NOL10: variants seen among roughly 807,000 people sequenced by gnomAD.
NOL10 encodes nucleolar protein 10.
Under a neutral mutation model 103.5 loss-of-function variants are expected in NOL10, and 58 were observed. The observed-to-expected ratio is 0.56, with a 90% CI of 0.45 to 0.70. NOL10 has a LOEUF of 0.70. Among genes scored for constraint, NOL10 ranks in the 30% least tolerant of loss-of-function variants. The pLI, the probability that NOL10 is intolerant of heterozygous loss-of-function variation, is 0.00. For missense variants in NOL10, 763 were observed against 807.3 expected (o/e 0.95, Z 0.67); for synonymous variants, 287 against 282.5 (o/e 1.02, Z -0.16).
chr2:10,573,965 A>T (rs1035617823), intron 20 of NOL10, among the ~76,000 whole-genome samples: 1 of 152,014 alleles, frequency 6.6e-6, no homozygotes, highest in Non-Finnish European at 1.5e-5. Context: ...GGAAGGATTT[A>T]AAAAAAATAG....
chr2:10,666,736 G>A (rs1194976814), intron 8 of NOL10, among the ~76,000 whole-genome samples: 2 of 150,206 alleles, frequency 1.3e-5, no homozygotes, highest in African/African-American at 4.9e-5. Flanking sequence ...AACTACAGTA[G>A]AATACAATTT....
At chr2:10,591,155 T>C (rs1324477711) in intron 17 of NOL10, 2 of 152,194 alleles carry the variant, frequency 1.3e-5, no homozygotes, top group Non-Finnish European at 1.5e-5. Flanking sequence ...AGATATTAAA[T>C]GCAGCAAGTT....
Position 10,645,532 on chromosome 2 carries a change from CTT to C in NOL10, c.974-1162_974-1161del, listed in dbSNP as rs33945473. Among the ~76,000 whole-genome samples the C allele has an allele frequency of 4.0e-3, 524 of 131,666 alleles. 2 individuals carry two copies. Among genetic ancestry groups the C allele is most frequent in the African/African-American group, 8.8e-3 (308 of 35,068 alleles). The allele number at this position is 131,666 out of a possible 152,430, so 86.4% of individuals were successfully genotyped here. A position where few individuals can be genotyped will look rare whatever the true frequency, so the allele number is the denominator to read the frequency against. ...CACTCAAGCAGGAACTCAATACTAT[CTT>C]TTTTTTTTTTTTTTTTGAGACAAGA... On this transcript the variant is annotated intron_variant, in intron 12 of 20. Transcript: ENST00000381685.
chr2:10,604,973 C>T (rs918140069), intron 14 of NOL10: 1 of 152,178 alleles, frequency 6.6e-6, no homozygotes, highest in Non-Finnish European at 1.5e-5. Flanking sequence ...CTAGCATTTC[C>T]CAAACTTATT....
intron 13 of NOL10, among the ~76,000 whole-genome samples, chr2:10,639,209 T>C (rs1453264569): frequency 6.6e-6 from 1 of 151,998 alleles, no homozygotes; most frequent in South Asian, 2.1e-4. Flanking sequence ...GATCACAAGG[T>C]CAGGAGATCA....
chr2:10,587,614 C>T (rs1675183895), intron 19 of NOL10, among the ~76,000 whole-genome samples: 1 of 151,728 alleles, frequency 6.6e-6, no homozygotes, highest in African/African-American at 2.4e-5. Flanking sequence ...CACTCCTAGC[C>T]CTCGAGTTGT....
intron 13 of NOL10, among the ~76,000 whole-genome samples, chr2:10,630,402 T>G (rs930880304): frequency 6.6e-6 from 1 of 152,216 alleles, no homozygotes; most frequent in East Asian, 1.9e-4. Flanking sequence ...TGTCACCAAC[T>G]TGCCATTTGA....
At chr2:10,680,995 C>T (rs997380852) in intron 3 of NOL10, among the ~76,000 whole-genome samples, 1 of 152,156 alleles carries the variant, frequency 6.6e-6, no homozygotes, top group Non-Finnish European at 1.5e-5. Context: ...TCCTAAAACT[C>T]TCATTCATTG....
chr2:10,589,085 A>C lies in NOL10; in HGVS notation c.1802T>G (p.Phe601Cys). 1 of 1,613,858 alleles carries C rather than the reference A, an allele frequency of 6.2e-7. No homozygotes were observed. Among genetic ancestry groups the C allele is most frequent in the Non-Finnish European group, 8.5e-7 (1 of 1,179,856 alleles). ...QFYEIKAGEE[F>C]RSFKDSATKQ... ...TGTGGCAGAATCTTTGAAGCTTCTA[A>C]ATTCTTCTCCTGCTTTGATCTCATA... is the stretch of plus-strand genomic sequence containing the variant. Residue 601 changes from phenylalanine (F) to cysteine (C), a missense_variant, in exon 19 of 21, where the codon TTT becomes TGT. Physicochemically the swap from Phe to Cys is radical, Grantham distance 205. Transcript: ENST00000381685.
chr2:10,589,130 G>A lies in NOL10; in HGVS notation c.1757C>T (p.Thr586Ile). The stretch of plus-strand genomic sequence containing the variant: ...CTCATAAAACTGGGGCTTTAGGACT[G>A]TCTGCTGGTCCTCCTTGAGTCGTTC... ...RQERLKEDQQ[T>I]VLKPQFYEIK... Residue 586 changes from threonine to isoleucine, a missense_variant, in exon 19 of 21, where the codon ACA (threonine) becomes ATA (isoleucine). Coordinates refer to ENST00000381685, the MANE Select transcript of NOL10 (RefSeq NM_024894.4). 1 of 1,613,992 alleles carries A rather than the reference G, an allele frequency of 6.2e-7. No individual in the cohort carries two copies. Among genetic ancestry groups the A allele is most frequent in the Non-Finnish European group, 8.5e-7 (1 of 1,179,902 alleles).
At chr2:10,611,696 G>A (rs923163231) in intron 13 of NOL10, among the ~76,000 whole-genome samples, 13 of 152,050 alleles carry the variant, frequency 8.5e-5, no homozygotes, top group Admixed American at 3.3e-4. Context: ...TGGGCGGATC[G>A]CCTGAGGTCA....
chr2:10,625,757 A>G (rs1677419970), intron 13 of NOL10, among the ~76,000 whole-genome samples: 1 of 152,178 alleles, frequency 6.6e-6, no homozygotes, highest in Non-Finnish European at 1.5e-5. Context: ...AGCTGATGAC[A>G]TGGGAGCAAA....
rs182783214 is a variant in NOL10, at chr2:10,620,351, T to G, written c.1027-13040A>C. ...CAGAAAAAAAGGAAGAGCAAAACTT[T>G]AAAAAAATTATATGTACACTTTTAT... On this transcript the variant is annotated intron_variant, in intron 13 of 20. Transcript: ENST00000381685. Among the ~76,000 whole-genome samples the G allele has an allele frequency of 7.2e-5, 11 of 152,284 alleles. No individual in the cohort carries two copies. In the South Asian group the frequency reaches 1.2e-3, roughly 17 times the overall value.
chr2:10,587,364 G>C (rs112266234), intron 19 of NOL10, among the ~76,000 whole-genome samples: 1 of 144,952 alleles, frequency 6.9e-6, no homozygotes, highest in African/African-American at 2.6e-5. Context: ...TCTGCCTCCC[G>C]GGTCCAAGCA....
intron 17 of NOL10, among the ~76,000 whole-genome samples, chr2:10,594,786 T>C (rs1299127308): frequency 6.6e-6 from 1 of 151,236 alleles, no homozygotes; most frequent in Non-Finnish European, 1.5e-5. Context: ...AGCTCAGGAG[T>C]TGGAGACCAG....
At chr2:10,608,535 T>G (rs1167203988) in intron 13 of NOL10, among the ~76,000 whole-genome samples, 1 of 151,868 alleles carries the variant, frequency 6.6e-6, no homozygotes, top group Non-Finnish European at 1.5e-5. Flanking sequence ...GAGAGAACAC[T>G]GGACTCGGGC....
chr2:10,604,331 C>G (rs897856424), intron 14 of NOL10, among the ~76,000 whole-genome samples: 1 of 152,158 alleles, frequency 6.6e-6, no homozygotes, highest in Non-Finnish European at 1.5e-5. Flanking sequence ...ATACATCCAT[C>G]TAGACCTGAA....
chr2:10,613,621 A>G (rs1441756792), intron 13 of NOL10, among the ~76,000 whole-genome samples: 3 of 152,242 alleles, frequency 2.0e-5, no homozygotes. Flanking sequence ...ATGTTTAGTT[A>G]AAAGAATTGT....
intron 19 of NOL10, among the ~76,000 whole-genome samples, chr2:10,579,169 C>T (rs1674623347): frequency 1.3e-5 from 2 of 152,206 alleles, no homozygotes; most frequent in African/African-American, 2.4e-5. Flanking sequence ...ATGTACTAAA[C>T]ATACCTTCTT....
Sources: allele counts gnomAD v4.1 joint callset (sites outside exome capture counted in the v4.1 genomes callset), GRCh38; gene constraint gnomAD v4.1.1; transcripts MANE v1.5; gene names NCBI Gene and HGNC (gene_info 2026-07-23, HGNC 2026-07-21).